Variants in BANP observed in about 807,000 individuals in gnomAD.
The protein encoded by BANP is protein BANP.
Under a neutral mutation model 68.1 loss-of-function variants are expected in BANP, and 11 were observed. The ratio of observed to expected loss-of-function variants is 0.16; its 90% CI spans 0.10 to 0.27. The LOEUF (loss-of-function observed/expected upper bound fraction) is 0.27. BANP is among the 10% of genes least tolerant of loss of function. BANP has a pLI of 1.00. For synonymous variants in BANP, 329 were observed against 303.2 expected, an observed-to-expected ratio of 1.09 and a Z score of -0.88; for missense variants, 504 against 722.7, an observed-to-expected ratio of 0.70 and a Z score of 3.47.
At chr16:88,011,158 C>T (rs1189368642) in intron 6 of BANP, among the ~76,000 whole-genome samples, 2 of 152,166 alleles carry the variant, frequency 1.3e-5, no homozygotes, top group African/African-American at 4.8e-5. Flanking sequence ...GGAGTGATGG[C>T]GTCTCAGCGG....
chr16:87,959,012 C>T (rs891754519), intron 1 of BANP, among the ~76,000 whole-genome samples: 11 of 152,202 alleles, frequency 7.2e-5, no homozygotes, highest in African/African-American at 2.7e-4. Context: ...GATGTTGGCA[C>T]GTACACTGGG....
intron 1 of BANP, among the ~76,000 whole-genome samples, chr16:87,966,135 T>G (rs2059975978): frequency 6.6e-6 from 1 of 152,248 alleles, no homozygotes; most frequent in East Asian, 1.9e-4. Context: ...TCCATTTTGG[T>G]TCATGTAATT....
chr16:88,053,890 G>A (rs1376863677), intron 11 of BANP, among the ~76,000 whole-genome samples: 3 of 43,982 alleles, frequency 6.8e-5, no homozygotes, highest in Admixed American at 2.3e-4. Context: ...CACCAACACA[G>A]TCCCCTTCAC....
rs1248878369 is a variant in BANP, at chr16:88,004,666, G to T, written c.479+255G>T. On this transcript the variant is annotated intron_variant, in intron 5 of 13. Coordinates refer to ENST00000682872, the MANE Select transcript of BANP (RefSeq NM_001386991.1). This position sits in a 1 kb window ranked among gnomAD's most constrained non-coding sequence, Gnocchi z 7.0. The stretch of plus-strand genomic sequence containing the variant: ...GTGTCTCGTGCTGGCCGGGGTTGTG[G>T]AGGGGGCTGGCTCTGTCTCCTCACA... 1.3e-5 allele frequency among the ~76,000 whole-genome samples: 2 copies of T among 152,190 alleles called. No individual in the cohort carries two copies. The highest frequency in any genetic ancestry group is 2.9e-5 in the Non-Finnish European group (2 of 68,036).
At chr16:88,020,162 C>T (rs1358442285) in intron 7 of BANP, among the ~76,000 whole-genome samples, 1 of 152,228 alleles carries the variant, frequency 6.6e-6, no homozygotes, top group Non-Finnish European at 1.5e-5. Flanking sequence ...CACCCTCAGC[C>T]TTCTTCTGAA....
intron 13 of BANP, 53 bp downstream of exon 13, chr16:88,072,265 C>A: frequency 6.4e-7 from 1 of 1,555,252 alleles, no homozygotes; most frequent in East Asian, 2.3e-5. Flanking sequence ...GGCCGCCTGC[C>A]GCTGCCACCG....
rs985223529 is a variant in BANP, at chr16:88,077,000, A to G, written c.*339A>G. Reference sequence around the variant, plus strand: ...AATTTGCTATGGTGTTTATAACAAAAAAGAAAATTTGAAAAAAAAAATCCC... The same window carrying G: ...AATTTGCTATGGTGTTTATAACAAAGAAGAAAATTTGAAAAAAAAAATCCC... On this transcript the variant is annotated 3_prime_UTR_variant, in exon 14 of 14. Coordinates refer to ENST00000682872, the MANE Select transcript of BANP (RefSeq NM_001386991.1). The G allele has an allele frequency of 7.8e-6, 2 of 255,442 alleles. No individual in the cohort carries two copies. The highest frequency in any genetic ancestry group is 1.5e-5 in the Non-Finnish European group (2 of 131,892). 15.8% of individuals were successfully genotyped at this position (255,442 alleles called of 1,614,324 possible).
At chr16:87,989,695 A>G (rs1410005577) in intron 4 of BANP, among the ~76,000 whole-genome samples, 1 of 103,390 alleles carries the variant, frequency 9.7e-6, no homozygotes, top group Non-Finnish European at 1.9e-5. Flanking sequence ...TCCAGGACAC[A>G]GGACACAGGG....
At chr16:88,058,723 A>G (rs2085840638) in intron 11 of BANP, among the ~76,000 whole-genome samples, 1 of 137,056 alleles carries the variant, frequency 7.3e-6, no homozygotes, top group Admixed American at 7.1e-5. Context: ...GGGAGGTTGT[A>G]ATTAAGAAGC....
intron 13 of BANP, among the ~76,000 whole-genome samples, chr16:88,074,846 C>G (rs2091242799): frequency 6.6e-6 from 1 of 152,160 alleles, no homozygotes; most frequent in South Asian, 2.1e-4. Flanking sequence ...TCATCCTACC[C>G]TGGAAGGCCC....
chr16:87,951,921 G>A (rs758386641), intron 1 of BANP, among the ~76,000 whole-genome samples: 21 of 152,152 alleles, frequency 1.4e-4, no homozygotes, highest in Non-Finnish European at 2.1e-4. Flanking sequence ...TCTCCCAAGG[G>A]GGTCGCTCCT....
chr16:88,017,803 A>G (rs2074938294), intron 6 of BANP, among the ~76,000 whole-genome samples: 1 of 152,234 alleles, frequency 6.6e-6, no homozygotes, highest in South Asian at 2.1e-4. Flanking sequence ...CCTCACTGAC[A>G]GTGCAGAACG....
rs1198102261 is a variant in BANP, at chr16:87,984,042, G to A, written c.163-18G>A. 6.2e-7 allele frequency: 1 copy of A among 1,613,596 alleles called. No homozygotes were observed. Among genetic ancestry groups the A allele is most frequent in the Admixed American group, 1.7e-5 (1 of 60,006 alleles). ...GTTCAGGAGACCCTTCCTAAAGCCG[G>A]TCTTTTTTCACTTCCAGTCATTCCT... On this transcript the variant is annotated intron_variant, in intron 3 of 13. Transcript: ENST00000682872.
At chr16:87,964,403 A>G (rs2059681960) in intron 1 of BANP, among the ~76,000 whole-genome samples, 1 of 152,276 alleles carries the variant, frequency 6.6e-6, no homozygotes, top group African/African-American at 2.4e-5. Context: ...AGAGCAGGAA[A>G]GGCTGCTGTG....
At chr16:88,076,544 G>T in intron 13 of BANP, 46 bp from the exon 14 acceptor site, 1 of 1,564,950 alleles carries the variant, frequency 6.4e-7, no homozygotes, top group Non-Finnish European at 8.8e-7. Flanking sequence ...TGGCCATGCA[G>T]TGCTGGGTAT....
chr16:88,016,615 C>T (rs1598454673), intron 6 of BANP, among the ~76,000 whole-genome samples: 1 of 152,248 alleles, frequency 6.6e-6, no homozygotes, highest in Non-Finnish European at 1.5e-5. Flanking sequence ...TTCGTAGATA[C>T]ATTCGTAGAA....
chr16:87,994,092 G>T (rs2066571783), intron 4 of BANP, among the ~76,000 whole-genome samples: 1 of 152,208 alleles, frequency 6.6e-6, no homozygotes. Context: ...TGGAGACCAG[G>T]ATGCGGAGCG....
At chr16:88,042,825 G>T (rs2081149392) in intron 11 of BANP, among the ~76,000 whole-genome samples, 1 of 152,166 alleles carries the variant, frequency 6.6e-6, no homozygotes. Flanking sequence ...GCTGAGGCAG[G>T]AGGATTGCTT....
At chr16:88,075,011 C>A (rs1038819498) in intron 13 of BANP, among the ~76,000 whole-genome samples, 1 of 152,152 alleles carries the variant, frequency 6.6e-6, no homozygotes. Flanking sequence ...CAAGACCAGC[C>A]TGGGCAACGT....
Sources: gnomAD v4.1 joint callset for allele counts (sites outside exome capture counted in the v4.1 genomes callset) on GRCh38, gnomAD v4.1.1 for gene constraint, Gnocchi (gnomAD v3.1) non-coding constraint, MANE v1.5 for transcripts, NCBI Gene and HGNC (gene_info 2026-07-23, HGNC 2026-07-21) for gene names.